NEDD9: variants seen among roughly 807,000 people sequenced by gnomAD.
The protein encoded by NEDD9 is neural precursor cell expressed, developmentally down-regulated 9.
NEDD9 carries 26 observed loss-of-function variants against 76.6 expected under a neutral mutation model. The observed-to-expected ratio is 0.34, with a 90% confidence interval of 0.25 to 0.47. NEDD9 has a LOEUF of 0.47. NEDD9 is among the 20% of genes least tolerant of loss of function. The probability of loss-of-function intolerance (pLI) is 1.00; values close to 1 mark genes in which losing one functional copy is unlikely to be tolerated. For synonymous variants in NEDD9, 392 were observed against 414.2 expected, an observed-to-expected ratio of 0.95 and a Z score of 0.65; for missense variants, 937 against 1,058.5, an observed-to-expected ratio of 0.89 and a Z score of 1.59.
intron 1 of NEDD9, among the ~76,000 whole-genome samples, chr6:11,376,273 G>T (rs1290709659): frequency 1.3e-5 from 2 of 152,232 alleles, no homozygotes; most frequent in African/African-American, 4.8e-5. Context: ...TTGGAACGGG[G>T]TAAGGGAGAG....
intron 3 of NEDD9, among the ~76,000 whole-genome samples, chr6:11,266,302 G>T (rs1033823605): frequency 1.3e-5 from 2 of 151,908 alleles, no homozygotes; most frequent in Non-Finnish European, 2.9e-5. Context: ...ATTTTGGATT[G>T]TCAAACTTGG....
At chr6:11,353,324 G>A (rs1382978420) in intron 1 of NEDD9, among the ~76,000 whole-genome samples, 1 of 152,242 alleles carries the variant, frequency 6.6e-6, no homozygotes, top group Non-Finnish European at 1.5e-5. Flanking sequence ...TCATGAAGGT[G>A]AGCCCTGATA....
chr6:11,265,428 T>C (rs371955972), intron 3 of NEDD9, among the ~76,000 whole-genome samples: 1 of 152,248 alleles, frequency 6.6e-6, no homozygotes, highest in Admixed American at 6.5e-5. Flanking sequence ...TTTCTGGACT[T>C]TAACTTATTT....
At chr6:11,286,500 A>T (rs770720669) in intron 3 of NEDD9, among the ~76,000 whole-genome samples, 1 of 152,246 alleles carries the variant, frequency 6.6e-6, no homozygotes, top group South Asian at 2.1e-4. Flanking sequence ...AGCCTATGCC[A>T]TGCACACCCT....
intron 1 of NEDD9, among the ~76,000 whole-genome samples, chr6:11,215,432 A>T (rs997551353): frequency 2.0e-5 from 3 of 152,226 alleles, no homozygotes; most frequent in Admixed American, 2.0e-4. Context: ...AAAAGTTCAC[A>T]TACATAAAGA....
chr6:11,228,701 T>G (rs1311253504), intron 1 of NEDD9, among the ~76,000 whole-genome samples: 4 of 152,136 alleles, frequency 2.6e-5, no homozygotes, highest in Non-Finnish European at 5.9e-5. Flanking sequence ...CTTGCTAAAT[T>G]TGGTATTATC....
At chr6:11,221,191 T>C (rs1759133516) in intron 1 of NEDD9, among the ~76,000 whole-genome samples, 1 of 152,106 alleles carries the variant, frequency 6.6e-6, no homozygotes, top group Non-Finnish European at 1.5e-5. Context: ...GCGACCAGCC[T>C]GGGCAACATG....
At chr6:11,310,192 T>G (rs571204953) in intron 2 of NEDD9, among the ~76,000 whole-genome samples, 3 of 152,176 alleles carry the variant, frequency 2.0e-5, no homozygotes, top group Non-Finnish European at 4.4e-5. Context: ...AGCTCATTAG[T>G]ATGGCACATC....
At chr6:11,380,258 C>A (rs1241731568) in intron 1 of NEDD9, among the ~76,000 whole-genome samples, 1 of 152,148 alleles carries the variant, frequency 6.6e-6, no homozygotes, top group Non-Finnish European at 1.5e-5. Flanking sequence ...TGGGTTCCCC[C>A]AGAAGTAGAC....
intron 2 of NEDD9, among the ~76,000 whole-genome samples, chr6:11,309,286 A>C (rs561794164): frequency 5.9e-5 from 9 of 152,358 alleles, no homozygotes; most frequent in African/African-American, 2.2e-4. Flanking sequence ...GGATATGCCA[A>C]CATTTTTCCA....
intron 1 of NEDD9, among the ~76,000 whole-genome samples, chr6:11,225,878 A>G (rs1282233038): frequency 6.7e-6 from 1 of 150,326 alleles, no homozygotes; most frequent in African/African-American, 2.5e-5. Context: ...ATTGGAAAAC[A>G]TTCCACTGGC....
intron 1 of NEDD9, among the ~76,000 whole-genome samples, chr6:11,356,506 T>C (rs1051894012): frequency 1.3e-5 from 2 of 152,208 alleles, no homozygotes; most frequent in African/African-American, 4.8e-5. Flanking sequence ...CATGTTCCCA[T>C]ACATCTTAAA....
chr6:11,215,949 T>G (rs1327947533), intron 1 of NEDD9, among the ~76,000 whole-genome samples: 1 of 152,210 alleles, frequency 6.6e-6, no homozygotes, highest in Non-Finnish European at 1.5e-5. Flanking sequence ...CACCGGAGCA[T>G]GCTTGATCAG....
At chr6:11,272,973 TC>T in intron 3 of NEDD9, among the ~76,000 whole-genome samples, 1 of 152,290 alleles carries the variant, frequency 6.6e-6, no homozygotes, top group East Asian at 1.9e-4. Flanking sequence ...CCTGAAATCA[TC>T]AGCCTGTCTG....
intron 1 of NEDD9, among the ~76,000 whole-genome samples, chr6:11,366,360 G>C (rs984920855): frequency 7.1e-6 from 1 of 141,116 alleles, no homozygotes; most frequent in Non-Finnish European, 1.5e-5. Flanking sequence ...AAGAAATGAA[G>C]AAAGAAAGAA....
intron 1 of NEDD9, among the ~76,000 whole-genome samples, chr6:11,361,094 G>C (rs1762673263): frequency 6.6e-6 from 1 of 152,192 alleles, no homozygotes; most frequent in Non-Finnish European, 1.5e-5. Flanking sequence ...AATAGTGGAG[G>C]AATGGTCTCC....
chr6:11,286,390 G>C (rs1206050364), intron 3 of NEDD9, among the ~76,000 whole-genome samples: 3 of 152,198 alleles, frequency 2.0e-5, no homozygotes, highest in African/African-American at 7.2e-5. Context: ...CTCAAACACT[G>C]GTGATGGGAA....
At chr6:11,287,933 CT>C (rs1209290818) in intron 3 of NEDD9, among the ~76,000 whole-genome samples, 1 of 152,226 alleles carries the variant, frequency 6.6e-6, no homozygotes, top group Non-Finnish European at 1.5e-5. Flanking sequence ...AAACATTACT[CT>C]GTCAACAGCA....
At chr6:11,200,921 C>T (rs1581951667) in intron 2 of NEDD9, 1 of 1,613,058 alleles carries the variant, frequency 6.2e-7, no homozygotes, top group East Asian at 2.2e-5. Flanking sequence ...AGACGGCAAG[C>T]CTCCAAACTC....
Sources: gnomAD v4.1 joint callset for allele counts (sites outside exome capture counted in the v4.1 genomes callset) on GRCh38, gnomAD v4.1.1 for gene constraint, MANE v1.5 for transcripts, NCBI Gene and HGNC (gene_info 2026-07-23, HGNC 2026-07-21) for gene names.